Variants in NEGR1 observed in about 807,000 individuals in gnomAD.
NEGR1 encodes the protein neuronal growth regulator 1, also known as IgLON family member 4.
In NEGR1, 10 loss-of-function variants were observed where a neutral mutation model predicts 40.9. The observed-to-expected ratio is 0.24, with a 90% CI of 0.15 to 0.42. The LOEUF (loss-of-function observed/expected upper bound fraction) is 0.42. NEGR1 is among the 10% of genes least tolerant of loss of function. The pLI is 1.00. For missense variants in NEGR1, 352 were observed against 438.9 expected, an observed-to-expected ratio of 0.80 and a Z score of 1.77; for synonymous variants, 185 against 166.8, an observed-to-expected ratio of 1.11 and a Z score of -0.84.
intron 1 of NEGR1, among the ~76,000 whole-genome samples, chr1:71,971,059 GC>G (rs1027559733): frequency 2.6e-5 from 4 of 152,122 alleles, no homozygotes; most frequent in Non-Finnish European, 5.9e-5. Flanking sequence ...AATGACTGAT[GC>G]CATTATAAGA....
chr1:71,998,182 A>T (rs1390287494), intron 1 of NEGR1, among the ~76,000 whole-genome samples: 1 of 151,854 alleles, frequency 6.6e-6, no homozygotes, highest in Non-Finnish European at 1.5e-5. Flanking sequence ...TGTGAACCCA[A>T]CTGTTAAATG....
At chr1:71,998,883 T>C (rs925547746) in intron 1 of NEGR1, among the ~76,000 whole-genome samples, 2 of 151,894 alleles carry the variant, frequency 1.3e-5, no homozygotes, top group African/African-American at 4.8e-5. Context: ...ACATATACTA[T>C]AGATACTGTA....
At chr1:71,500,518 C>A (rs1282377067) in intron 6 of NEGR1, among the ~76,000 whole-genome samples, 2 of 152,014 alleles carry the variant, frequency 1.3e-5, no homozygotes, top group Non-Finnish European at 2.9e-5. Flanking sequence ...CCTGTGTAAA[C>A]CTTTTTGAAC....
chr1:71,780,040 CAAAAAAAAAAAAAAAAAAA>C (rs57576840), intron 2 of NEGR1, among the ~76,000 whole-genome samples: 3 of 99,736 alleles, frequency 3.0e-5, no homozygotes, highest in African/African-American at 4.7e-5. Flanking sequence ...ATAGGAAAAC[CAAAAAAAAAAAAAAAAAAA>C]AAAAAAAAAA....
chr1:71,650,624 C>A (rs902513425), intron 4 of NEGR1, among the ~76,000 whole-genome samples: 1 of 151,988 alleles, frequency 6.6e-6, no homozygotes, highest in Non-Finnish European at 1.5e-5. Context: ...TACTTGTTTT[C>A]TTTTCTTTTT....
intron 4 of NEGR1, among the ~76,000 whole-genome samples, chr1:71,666,476 T>C (rs1040433106): frequency 2.9e-5 from 4 of 139,942 alleles, no homozygotes; most frequent in African/African-American, 1.1e-4. Flanking sequence ...AACACCCACC[T>C]TGGATCTGTT....
At chr1:72,194,718 T>C (rs1348590541) in intron 1 of NEGR1, among the ~76,000 whole-genome samples, 6 of 152,108 alleles carry the variant, frequency 3.9e-5, no homozygotes, top group African/African-American at 1.4e-4. Flanking sequence ...AAGGGGATTT[T>C]ATATTTGTCT....
intron 1 of NEGR1, among the ~76,000 whole-genome samples, chr1:72,022,500 G>T (rs1194601032): frequency 6.7e-6 from 1 of 149,344 alleles, no homozygotes; most frequent in East Asian, 1.9e-4. Flanking sequence ...TAAACAGATA[G>T]ATATAATACA....
intron 1 of NEGR1, among the ~76,000 whole-genome samples, chr1:72,242,576 C>T (rs963863479): frequency 2.0e-5 from 3 of 151,484 alleles, no homozygotes; most frequent in Non-Finnish European, 3.0e-5. Context: ...AGGGGTTTAA[C>T]AAATTCTGTT....
intron 6 of NEGR1, among the ~76,000 whole-genome samples, chr1:71,490,202 T>G (rs1646917370): frequency 6.6e-6 from 1 of 151,970 alleles, no homozygotes; most frequent in African/African-American, 2.4e-5. Flanking sequence ...TTGCTTATAT[T>G]AATATCATGT....
At chr1:72,173,245 C>T (rs1436084654) in intron 1 of NEGR1, among the ~76,000 whole-genome samples, 1 of 150,326 alleles carries the variant, frequency 6.7e-6, no homozygotes, top group African/African-American at 2.4e-5. Context: ...TGAGTTCAAG[C>T]AATCTGCTAG....
chr1:71,682,659 T>C (rs1367345251), intron 4 of NEGR1, among the ~76,000 whole-genome samples: 2 of 152,188 alleles, frequency 1.3e-5, no homozygotes, highest in Non-Finnish European at 1.5e-5. Flanking sequence ...GATATGTGGC[T>C]ATGATATAGT....
At chr1:71,408,608 A>G (rs1646295197) in intron 6 of NEGR1, 1 of 151,936 alleles carries the variant, frequency 6.6e-6, no homozygotes, top group African/African-American at 2.4e-5. Flanking sequence ...GTGTTCCAGA[A>G]ATTAAATGTT....
intron 1 of NEGR1, among the ~76,000 whole-genome samples, chr1:72,134,643 CCT>C (rs1491156221): frequency 3.8e-5 from 1 of 26,126 alleles, no homozygotes; most frequent in Non-Finnish European, 1.3e-4. Flanking sequence ...TTAGAGGTTT[CCT>C]TTTTTTTTTT....
chr1:72,198,379 C>A (rs1399441359), intron 1 of NEGR1, among the ~76,000 whole-genome samples: 1 of 151,866 alleles, frequency 6.6e-6, no homozygotes, highest in Admixed American at 6.6e-5. Context: ...CATGAGACAA[C>A]TTTGAGGATA....
At chr1:72,034,860 T>A (rs1337671886) in intron 1 of NEGR1, among the ~76,000 whole-genome samples, 1 of 152,124 alleles carries the variant, frequency 6.6e-6, no homozygotes, top group Non-Finnish European at 1.5e-5. Flanking sequence ...ATTTTTTCGC[T>A]AACAGGAAGC....
chr1:71,908,201 C>T lies in NEGR1; in HGVS notation c.409+26878G>A, dbSNP rs148527643. On this transcript the variant is annotated intron_variant, in intron 2 of 6. Coordinates refer to ENST00000357731, the MANE Select transcript of NEGR1 (RefSeq NM_173808.3). ...AAAATGATATAAAATAGAACCACAA[C>T]GAAATGCCACTACAAAAAAAAAAAA... Among the ~76,000 whole-genome samples the T allele has an allele frequency of 6.0e-3, 861 of 144,098 alleles. 8 individuals carry two copies. Among genetic ancestry groups the T allele is most frequent in the African/African-American group, 0.022 (820 of 36,922 alleles). The allele number at this position is 144,098 out of a possible 152,430, so 94.5% of individuals were successfully genotyped here.
At chr1:71,796,456 A>G (rs74091025) in intron 2 of NEGR1, among the ~76,000 whole-genome samples, 4,533 of 152,236 alleles carry the variant, frequency 0.03, 219 homozygotes, top group African/African-American at 0.1. Context: ...GATTTTGTGC[A>G]TTTTCATCAA....
intron 6 of NEGR1, among the ~76,000 whole-genome samples, chr1:71,547,194 C>T (rs1647927407): frequency 6.6e-6 from 1 of 151,698 alleles, no homozygotes; most frequent in South Asian, 2.1e-4. Flanking sequence ...ATGAATAGCT[C>T]CCTATTAACC....
Sources: allele counts gnomAD v4.1 joint callset (sites outside exome capture counted in the v4.1 genomes callset), GRCh38; gene constraint gnomAD v4.1.1; transcripts MANE v1.5; gene names NCBI Gene and HGNC (gene_info 2026-07-23, HGNC 2026-07-21).